The following PAICS variants were observed in gnomAD, a reference collection of about 807,000 sequenced individuals.
PAICS encodes the protein phosphoribosylaminoimidazole carboxylase and phosphoribosylaminoimidazolesuccinocarboxamide synthase.
PAICS carries 33 observed loss-of-function variants against 53.7 expected under a neutral mutation model. That is an observed-to-expected ratio of 0.61 (90% CI 0.47 to 0.82). The LOEUF (loss-of-function observed/expected upper bound fraction) is 0.82. Ranked by LOEUF, PAICS falls within the 40% of genes least tolerant of loss-of-function variation. The probability of loss-of-function intolerance (pLI) is 0.00; values close to 1 mark genes in which losing one functional copy is unlikely to be tolerated. For missense variants in PAICS, 394 were observed against 494.1 expected (o/e 0.80, Z 1.92); for synonymous variants, 141 against 167.2 (o/e 0.84, Z 1.21).
chr4:56,451,412 T>C (rs17086769), intron 6 of PAICS, among the ~76,000 whole-genome samples: 4,721 of 152,280 alleles, frequency 0.031, 166 homozygotes, highest in East Asian at 0.19. Flanking sequence ...ATGGGGTTTG[T>C]GATTATGCAA....
chr4:56,441,722 G>T lies in PAICS; in HGVS notation c.76G>T (p.Asp26Tyr). 1 of 1,604,402 alleles carries T rather than the reference G, an allele frequency of 6.2e-7. No homozygotes were observed. The highest frequency in any genetic ancestry group is 1.7e-5 in the Admixed American group (1 of 58,734). ...GKTKEVYELL[D>Y]SPGKVLLQSK... ...AACAAAAGAAGTCTACGAATTGTTA[G>T]ACAGTCCAGGAAAAGTCCTCCTGCA... The change falls in exon 2 of 9, where the codon GAC becomes TAC. Residue 26 changes from aspartate (D) to tyrosine (Y), a missense_variant. By Grantham distance (160) the Asp-to-Tyr change is radical. Transcript: ENST00000512576.
At chr4:56,411,748 G>C in the PAICS span, among the ~76,000 whole-genome samples, 2 of 152,090 alleles carry the variant, frequency 1.3e-5, no homozygotes, top group Non-Finnish European at 1.5e-5. Flanking sequence ...ACCTCAAAAA[G>C]GACAGAACTG....
In PAICS at chr4:56,448,428, A is replaced by G. The variant is rs188741488; in HGVS notation, c.404A>G (p.Asn135Ser). ...KVELFFKDDA[N>S]NDPQWSEEQL... ...ATACTTTATTCACAGGATGATGCCA[A>G]TAATGACCCACAGTGGTCTGAGGAA... Residue 135 changes from asparagine (N) to serine (S), a missense_variant, in exon 4 of 9, where the codon AAT becomes AGT. By Grantham distance (46) the Asn-to-Ser change is conservative (BLOSUM62 1). This residue lies in a region of PAICS where 168 missense variants were observed against 199.3 expected (regional missense o/e 0.84). Coordinates refer to ENST00000512576, the MANE Select transcript of PAICS (RefSeq NM_001079524.2). 8 of 1,585,766 alleles carry G rather than the reference A, an allele frequency of 5.0e-6. No individual in the cohort carries two copies. In the East Asian group the frequency reaches 6.8e-5, roughly 13 times the overall value.
chr4:56,417,554 C>T, the PAICS span, among the ~76,000 whole-genome samples: 30 of 152,172 alleles, frequency 2.0e-4, no homozygotes, highest in South Asian at 2.3e-3. Context: ...GGCCAAGGTG[C>T]GGGATCACTT....
chr4:56,452,453 G>A (rs1466933859), intron 7 of PAICS, among the ~76,000 whole-genome samples: 1 of 152,206 alleles, frequency 6.6e-6, no homozygotes, highest in Admixed American at 6.5e-5. Context: ...GGGATTACAG[G>A]CATGAGCCAC....
intron 8 of PAICS, among the ~76,000 whole-genome samples, chr4:56,455,096 A>C (rs1176535969): frequency 6.6e-6 from 1 of 152,094 alleles, no homozygotes; most frequent in African/African-American, 2.4e-5. Flanking sequence ...GGCAGAGGTG[A>C]GTCAAGATTG....
At chr4:56,430,492 C>G in the PAICS span, among the ~76,000 whole-genome samples, 1 of 152,042 alleles carries the variant, frequency 6.6e-6, no homozygotes, top group Admixed American at 6.6e-5. Context: ...ACCACAGTGC[C>G]TTAGTAATAT....
At chr4:56,419,887 G>T in the PAICS span, 2 of 984,828 alleles carry the variant, frequency 2.0e-6, no homozygotes, top group Non-Finnish European at 2.4e-6. Context: ...AAGATCGTAA[G>T]AACAGCTCAA....
intron 2 of PAICS, among the ~76,000 whole-genome samples, chr4:56,442,796 G>C (rs1034575438): frequency 3.3e-5 from 5 of 152,126 alleles, no homozygotes; most frequent in African/African-American, 1.2e-4. Flanking sequence ...GGGATTTAAT[G>C]CTTTTGTTTT....
the PAICS span, among the ~76,000 whole-genome samples, chr4:56,425,700 G>C: frequency 2.0e-5 from 3 of 152,178 alleles, no homozygotes; most frequent in Non-Finnish European, 4.4e-5. Flanking sequence ...CTTCAGGATA[G>C]GGGGTAGTCA....
chr4:56,440,506 A>T (rs1718283558), intron 1 of PAICS, among the ~76,000 whole-genome samples: 1 of 152,054 alleles, frequency 6.6e-6, no homozygotes, highest in Non-Finnish European at 1.5e-5. Context: ...TCCCCTGCCC[A>T]ACAGCAATGT....
the PAICS span, among the ~76,000 whole-genome samples, chr4:56,416,727 T>G: frequency 6.6e-6 from 1 of 152,224 alleles, no homozygotes; most frequent in Non-Finnish European, 1.5e-5. Flanking sequence ...ATGATCACTT[T>G]AGTGTTGAGG....
upstream of PAICS, chr4:56,435,587 C>A (rs996731218): frequency 5.7e-6 from 9 of 1,568,016 alleles, no homozygotes; most frequent in African/African-American, 1.1e-4. Flanking sequence ...GCGACAGGCT[C>A]TTCCTTCCCG....
At chr4:56,421,437 A>G in the PAICS span, 1 of 152,436 alleles carries the variant, frequency 6.6e-6, no homozygotes, top group East Asian at 1.9e-4. Flanking sequence ...CCCCTGGTCC[A>G]TGGAAAAATT....
intron 8 of PAICS, among the ~76,000 whole-genome samples, chr4:56,456,177 C>T (rs532828978): frequency 8.5e-5 from 13 of 152,206 alleles, no homozygotes; most frequent in South Asian, 2.1e-4. Context: ...CTGCAGCCTC[C>T]GCCTCCCAGG....
At chr4:56,427,349 G>C in the PAICS span, among the ~76,000 whole-genome samples, 1 of 152,090 alleles carries the variant, frequency 6.6e-6, no homozygotes, top group Non-Finnish European at 1.5e-5. Flanking sequence ...CATGTTTTCA[G>C]TTCTTCTGGG....
At chr4:56,433,989 CAT>C (rs1266300554), upstream of PAICS, among the ~76,000 whole-genome samples, 2 of 152,168 alleles carry the variant, frequency 1.3e-5, no homozygotes, top group African/African-American at 4.8e-5. Context: ...CGCGCCTGGC[CAT>C]AGTTTCTAAG....
chr4:56,450,039 G>A (rs1369560471), intron 5 of PAICS, among the ~76,000 whole-genome samples: 1 of 151,738 alleles, frequency 6.6e-6, no homozygotes, highest in East Asian at 1.9e-4. Flanking sequence ...GATTCAGCTA[G>A]AAGCCATCAT....
intron 8 of PAICS, among the ~76,000 whole-genome samples, chr4:56,457,995 A>G (rs919222602): frequency 2.6e-5 from 4 of 152,204 alleles, no homozygotes; most frequent in Admixed American, 1.3e-4. Flanking sequence ...TGATTATACA[A>G]ATGTCTCAAG....
Sources: gnomAD v4.1 joint callset for allele counts (sites outside exome capture counted in the v4.1 genomes callset) on GRCh38, gnomAD v4.1.1 for gene constraint, gnomAD v4.1.1 regional missense constraint, MANE v1.5 for transcripts, NCBI Gene and HGNC (gene_info 2026-07-23, HGNC 2026-07-21) for gene names.